ARPP21: variants seen among roughly 807,000 people sequenced by gnomAD.
ARPP21 encodes cAMP-regulated phosphoprotein 21.
ARPP21 carries 69 observed loss-of-function variants against 113.2 expected under a neutral mutation model. That is an observed-to-expected ratio of 0.61 (90% CI 0.50 to 0.74). The LOEUF (loss-of-function observed/expected upper bound fraction) is 0.74, where lower values mean the gene tolerates loss of function less well. ARPP21 is among the 30% of genes least tolerant of loss of function. The pLI is 0.00. For missense variants in ARPP21, 1,070 were observed against 1,037.4 expected (o/e 1.03, Z -0.43); for synonymous variants, 368 against 375.5 (o/e 0.98, Z 0.23).
At chr3:35,663,212 G>T (rs146307454) in intron 1 of ARPP21, among the ~76,000 whole-genome samples, 3 of 151,998 alleles carry the variant, frequency 2.0e-5, no homozygotes, top group Non-Finnish European at 2.9e-5. Flanking sequence ...CCCCAGAATT[G>T]AATAAAAATT....
chr3:35,664,644 C>A (rs1302163898), intron 1 of ARPP21, among the ~76,000 whole-genome samples: 1 of 152,122 alleles, frequency 6.6e-6, no homozygotes, highest in Non-Finnish European at 1.5e-5. Context: ...TCGAATTGAG[C>A]AGGAATTTGT....
At chr3:35,736,230 A>G (rs767285520) in intron 15 of ARPP21, among the ~76,000 whole-genome samples, 2 of 152,150 alleles carry the variant, frequency 1.3e-5, no homozygotes, top group Non-Finnish European at 1.5e-5. Context: ...AAGATCATAC[A>G]TGTAAGGTGC....
At chr3:35,667,948 A>AAAG (rs4025938) in intron 1 of ARPP21, among the ~76,000 whole-genome samples, 1,037 of 58,030 alleles carry the variant, frequency 0.018, 65 homozygotes, top group Middle Eastern at 0.034. Flanking sequence ...GAGAAGAAGA[A>AAAG]AAGAAGAAGA....
intron 9 of ARPP21, among the ~76,000 whole-genome samples, chr3:35,692,928 G>C (rs1483381357): frequency 2.0e-5 from 3 of 151,554 alleles, no homozygotes; most frequent in Non-Finnish European, 3.0e-5. Flanking sequence ...TTAAATCCTT[G>C]TGTTTCCTGC....
chr3:35,647,331 G>T (rs191520444), intron 1 of ARPP21, among the ~76,000 whole-genome samples: 50 of 152,194 alleles, frequency 3.3e-4, no homozygotes, highest in African/African-American at 1.1e-3. Context: ...TAATTGTAAT[G>T]CCTGTGTTAT....
chr3:35,747,193 A>AT (rs1296864392), intron 19 of ARPP21, among the ~76,000 whole-genome samples: 1 of 151,980 alleles, frequency 6.6e-6, no homozygotes, highest in African/African-American at 2.4e-5. Context: ...TCTACTAAAA[A>AT]ATATATAAAA....
At chr3:35,768,976 G>C (rs1028350407) in intron 19 of ARPP21, among the ~76,000 whole-genome samples, 1 of 152,144 alleles carries the variant, frequency 6.6e-6, no homozygotes, top group Non-Finnish European at 1.5e-5. Flanking sequence ...CCTATGTTAA[G>C]CCTAAGTGAA....
At chr3:35,763,772 T>C (rs2095860251) in intron 19 of ARPP21, among the ~76,000 whole-genome samples, 1 of 152,172 alleles carries the variant, frequency 6.6e-6, no homozygotes, top group African/African-American at 2.4e-5. Flanking sequence ...TTAAATTGTA[T>C]TATTTCCGAA....
At chr3:35,792,612 G>C in intron 20 of ARPP21, 82 bp downstream of exon 20, 2 of 1,360,034 alleles carry the variant, frequency 1.5e-6, no homozygotes, top group Non-Finnish European at 2.1e-6. Context: ...CCCTGGTTTG[G>C]GTGGCTGGCT....
intron 14 of ARPP21, among the ~76,000 whole-genome samples, chr3:35,725,628 A>G (rs891271622): frequency 6.6e-6 from 1 of 152,108 alleles, no homozygotes; most frequent in Non-Finnish European, 1.5e-5. Context: ...GAATCTGCCT[A>G]TGTCCTTCCC....
At chr3:35,681,947 A>C in intron 3 of ARPP21, 67 bp downstream of exon 3, 1 of 1,507,378 alleles carries the variant, frequency 6.6e-7, no homozygotes, top group East Asian at 2.3e-5. Context: ...TTATTTTCAG[A>C]ATACTTTAGA....
At position 35,739,568 on chromosome 3, in the gene ARPP21, G is replaced by A. The variant is rs749529270; in HGVS notation, c.2001G>A (p.Pro667=). Residue 667 remains proline, a synonymous_variant, in exon 18 of 21, where the codon CCG becomes CCA. Coordinates refer to ENST00000684406, the MANE Select transcript of ARPP21 (RefSeq NM_001385562.1). ...CACAGGGATTTGTGCAACAGCCTCCGCCTGCACAGGTAGGTGTGCTTCCTC... is the reference window on the plus strand; with the variant it reads ...CACAGGGATTTGTGCAACAGCCTCCACCTGCACAGGTAGGTGTGCTTCCTC... ...PSPQGFVQQP[P]PAQMPVYYYP... is the part of the protein sequence containing the mutation. 34 of 1,611,494 alleles carry A rather than the reference G, an allele frequency of 2.1e-5. No individual in the cohort carries two copies. Among genetic ancestry groups the A allele is most frequent in the East Asian group, 6.7e-5 (3 of 44,864 alleles).
chr3:35,792,866 T>C (rs2096773525), intron 20 of ARPP21, among the ~76,000 whole-genome samples: 1 of 152,214 alleles, frequency 6.6e-6, no homozygotes, highest in South Asian at 2.1e-4. Context: ...CATGACAAAT[T>C]CCCATTCATT....
intron 11 of ARPP21, among the ~76,000 whole-genome samples, chr3:35,709,769 A>C (rs886301783): frequency 1.3e-5 from 2 of 152,250 alleles, no homozygotes; most frequent in Non-Finnish European, 2.9e-5. Context: ...TAGCGTTTTC[A>C]TTCCATGCAA....
intron 19 of ARPP21, among the ~76,000 whole-genome samples, chr3:35,754,402 A>T (rs994022672): frequency 2.6e-5 from 4 of 151,934 alleles, no homozygotes; most frequent in Non-Finnish European, 4.4e-5. Flanking sequence ...TGAGTTATTA[A>T]AGAGTGACAC....
At chr3:35,757,532 G>C (rs1308449384) in intron 19 of ARPP21, among the ~76,000 whole-genome samples, 1 of 152,088 alleles carries the variant, frequency 6.6e-6, no homozygotes, top group African/African-American at 2.4e-5. Context: ...CTCCAGCCTA[G>C]CTGAAAATTG....
At chr3:35,764,426 T>C in intron 19 of ARPP21, among the ~76,000 whole-genome samples, 1 of 152,196 alleles carries the variant, frequency 6.6e-6, no homozygotes, top group East Asian at 1.9e-4. Context: ...AAAGATTTTA[T>C]GAGGTTTTTT....
At chr3:35,758,585 A>G (rs2095654412) in intron 19 of ARPP21, among the ~76,000 whole-genome samples, 1 of 150,466 alleles carries the variant, frequency 6.6e-6, no homozygotes, top group Non-Finnish European at 1.5e-5. Flanking sequence ...TGTGATGAGA[A>G]AAAAAAAAAC....
At chr3:35,759,678 G>C (rs565403870) in intron 19 of ARPP21, among the ~76,000 whole-genome samples, 517 of 138,674 alleles carry the variant, frequency 3.7e-3, no homozygotes, top group Admixed American at 5.7e-3. Context: ...TTCTCTCTCT[G>C]TGTGTGTGTG....
Sources: allele counts gnomAD v4.1 joint callset (sites outside exome capture counted in the v4.1 genomes callset), GRCh38; gene constraint gnomAD v4.1.1; transcripts MANE v1.5; gene names NCBI Gene and HGNC (gene_info 2026-07-23, HGNC 2026-07-21).